The following UPF2 variants were observed in gnomAD, a reference collection of about 807,000 sequenced individuals.
The protein encoded by UPF2 is UPF2 regulator of nonsense mediated mRNA decay, also known as regulator of nonsense transcripts 2.
In UPF2, 17 loss-of-function variants were observed where a neutral mutation model predicts 141.4. That is an observed-to-expected ratio of 0.12 (90% CI 0.08 to 0.18). The LOEUF is 0.18. Among genes scored for constraint, UPF2 ranks in the 10% least tolerant of loss-of-function variants. The pLI is 1.00. For missense variants in UPF2, 1,152 were observed against 1,515.9 expected (o/e 0.76, Z 3.99); for synonymous variants, 540 against 498.0 (o/e 1.08, Z -1.12).
At chr10:11,999,512 C>CA (rs1325502291) in intron 7 of UPF2, among the ~76,000 whole-genome samples, 1,563 of 100,250 alleles carry the variant, frequency 0.016, 28 homozygotes, top group African/African-American at 0.031. Context: ...GACTCCATCT[C>CA]AAAAAAAAAA....
Position 12,024,931 on chromosome 10 carries a change from C to CAAAAAAAAA in UPF2, c.1145+3805_1145+3813dup, listed in dbSNP as rs61678431. 5.6e-5 allele frequency among the ~76,000 whole-genome samples: 3 copies of CAAAAAAAAA among 53,484 alleles called. 1 individual carries two copies. Among genetic ancestry groups the CAAAAAAAAA allele is most frequent in the Non-Finnish European group, 9.7e-5 (3 of 31,056 alleles). The allele number at this position is 53,484 out of a possible 152,430, so 35.1% of individuals were successfully genotyped here. ...CCCAGGTAAGAGGGAGACCCTGTTA[C>CAAAAAAAAA]AAAAAAAAAAAAAAAAAAAAAAAAA... is the stretch of plus-strand genomic sequence containing the variant. On this transcript the variant is annotated intron_variant, in intron 3 of 21. Transcript: ENST00000357604.
At chr10:11,975,634 G>C (rs1833494063) in intron 9 of UPF2, among the ~76,000 whole-genome samples, 1 of 151,362 alleles carries the variant, frequency 6.6e-6, no homozygotes, top group African/African-American at 2.4e-5. Flanking sequence ...TCAGCCTCCT[G>C]AGTAGCTGGG....
chr10:11,963,580 C>T (rs1015317356), intron 11 of UPF2, among the ~76,000 whole-genome samples: 4 of 152,152 alleles, frequency 2.6e-5, no homozygotes, highest in South Asian at 2.1e-4. Flanking sequence ...GGAATACAGG[C>T]GTGAGCCACT....
At chr10:12,030,115 C>T (rs1211464249) in intron 2 of UPF2, among the ~76,000 whole-genome samples, 1 of 151,694 alleles carries the variant, frequency 6.6e-6, no homozygotes, top group Non-Finnish European at 1.5e-5. Context: ...ATCATTCTGC[C>T]AACTGGCAAG....
In UPF2 at chr10:12,016,618, C is replaced by T. The variant is rs974943490; in HGVS notation, c.1146-2434G>A. 2.6e-5 allele frequency among the ~76,000 whole-genome samples: 4 copies of T among 151,612 alleles called. No individual in the cohort carries two copies. Among genetic ancestry groups the T allele is most frequent in the East Asian group, 1.9e-4 (1 of 5,158 alleles). On this transcript the variant is annotated intron_variant, in intron 3 of 21. Coordinates refer to ENST00000357604, the MANE Select transcript of UPF2 (RefSeq NM_015542.4). The surrounding 1 kb of genome is among the most constrained non-coding windows in gnomAD (Gnocchi z 4.1). Reference sequence around the variant, plus strand: ...CTAAGCCAGGAGAATCACTTGAACCCGGGAGGCAGAGGTTGCAGTGAGCCA... The same window carrying T: ...CTAAGCCAGGAGAATCACTTGAACCTGGGAGGCAGAGGTTGCAGTGAGCCA...
chr10:11,958,901 A>G (rs1021297017), intron 12 of UPF2, among the ~76,000 whole-genome samples: 1 of 152,238 alleles, frequency 6.6e-6, no homozygotes, highest in African/African-American at 2.4e-5. Context: ...GGAATACCAG[A>G]GAGAAAGTAA....
At chr10:11,962,932 C>T (rs1293866720) in intron 11 of UPF2, among the ~76,000 whole-genome samples, 2 of 152,176 alleles carry the variant, frequency 1.3e-5, no homozygotes, top group East Asian at 1.9e-4. Context: ...TCTACCTACA[C>T]TCAAAATACC....
intron 1 of UPF2, chr10:12,035,957 G>A (rs1197159568): frequency 6.6e-6 from 1 of 152,246 alleles, no homozygotes; most frequent in East Asian, 1.9e-4. Context: ...AAACAGAACA[G>A]CGGACTCACG....
At chr10:11,929,041 G>A (rs1429910316) in intron 21 of UPF2, among the ~76,000 whole-genome samples, 1 of 151,988 alleles carries the variant, frequency 6.6e-6, no homozygotes, top group Non-Finnish European at 1.5e-5. Context: ...CCAGCTACTC[G>A]GGAGGTTGAG....
intron 19 of UPF2, among the ~76,000 whole-genome samples, chr10:11,934,158 A>T (rs1832814812): frequency 6.6e-6 from 1 of 152,234 alleles, no homozygotes; most frequent in African/African-American, 2.4e-5. Context: ...GTGATAACTG[A>T]AATAGTAAAG....
At chr10:12,041,631 T>C (rs1397093907) in intron 1 of UPF2, among the ~76,000 whole-genome samples, 2 of 152,172 alleles carry the variant, frequency 1.3e-5, no homozygotes, top group Non-Finnish European at 2.9e-5. Flanking sequence ...TATGAGAGAA[T>C]GCGGTTTTAC....
At chr10:12,021,532 A>G (rs1407012897) in intron 3 of UPF2, among the ~76,000 whole-genome samples, 1 of 151,958 alleles carries the variant, frequency 6.6e-6, no homozygotes, top group Non-Finnish European at 1.5e-5. Flanking sequence ...AAAAAAAAGG[A>G]TCATATGTGG....
At chr10:12,020,441 G>A (rs1177627094) in intron 3 of UPF2, among the ~76,000 whole-genome samples, 1 of 152,046 alleles carries the variant, frequency 6.6e-6, no homozygotes, top group East Asian at 1.9e-4. Flanking sequence ...AGTAGAGACA[G>A]CGTTTCTCCA....
chr10:11,979,315 A>G lies in UPF2; in HGVS notation c.1845-150T>C, dbSNP rs768088548. On this transcript the variant is annotated intron_variant, in intron 8 of 21. Transcript: ENST00000357604. The surrounding 1 kb of genome is among the most constrained non-coding windows in gnomAD (Gnocchi z 6.2). The stretch of plus-strand genomic sequence containing the variant: ...TGCCTATTTATTGCCATCATAAAGA[A>G]GTGTTTGAAAATTCAATGAGCCTTC... 1.9e-6 allele frequency: 1 copy of G among 533,824 alleles called. No individual in the cohort carries two copies. Among genetic ancestry groups the G allele is most frequent in the African/African-American group, 1.9e-5 (1 of 53,316 alleles). 33.1% of individuals were successfully genotyped at this position (533,824 alleles called of 1,614,324 possible).
intron 21 of UPF2, among the ~76,000 whole-genome samples, chr10:11,922,971 C>T (rs962857031): frequency 6.6e-6 from 1 of 152,148 alleles, no homozygotes; most frequent in Admixed American, 6.5e-5. Context: ...GAGGTCGAGG[C>T]TGCGGTGACC....
chr10:12,014,290 T>G lies in UPF2; in HGVS notation c.1146-106A>C. 9.1e-7 allele frequency: 1 copy of G among 1,095,204 alleles called. No homozygotes were observed. The allele number at this position is 1,095,204 out of a possible 1,614,324, so 67.8% of individuals were successfully genotyped here. The stretch of plus-strand genomic sequence containing the variant: ...ATTTGATTTTCTCATACAAATTTAG[T>G]AAAATCTTCATTTTTATTTAACATT... On this transcript the variant is annotated intron_variant, in intron 3 of 21. Transcript: ENST00000357604. The surrounding 1 kb of genome is among the most constrained non-coding windows in gnomAD (Gnocchi z 5.0).
intron 8 of UPF2, among the ~76,000 whole-genome samples, chr10:11,982,354 A>G (rs1228207128): frequency 6.6e-6 from 1 of 152,292 alleles, no homozygotes; most frequent in East Asian, 1.9e-4. Flanking sequence ...ACTCTACAGC[A>G]GCAAACAGCA....
At position 11,998,082 on chromosome 10, in the gene UPF2, G is replaced by A. The variant is rs1234267036; in HGVS notation, c.1759-325C>T. Among the ~76,000 whole-genome samples, 2 of 152,192 alleles carry A rather than the reference G, an allele frequency of 1.3e-5. No individual in the cohort carries two copies. The highest frequency in any genetic ancestry group is 2.9e-5 in the Non-Finnish European group (2 of 68,032). On this transcript the variant is annotated intron_variant, in intron 7 of 21. Coordinates refer to ENST00000357604, the MANE Select transcript of UPF2 (RefSeq NM_015542.4). The surrounding 1 kb of genome is among the most constrained non-coding windows in gnomAD (Gnocchi z 4.5). ...CCCCCACATTCACTAAAAAAGTTTA[G>A]TGTCGACAGTCAGATTTGGTAATGT...
rs1245220027 is a variant in UPF2 at position 11,999,719 on chromosome 10, T to C, written c.1758+187A>G. ...GGACAGGATGCTACAGCCAATTCTCTACCCAAACAGAGCATCTATGAATTA... is the reference window on the plus strand; with the variant it reads ...GGACAGGATGCTACAGCCAATTCTCCACCCAAACAGAGCATCTATGAATTA... On this transcript the variant is annotated intron_variant, in intron 7 of 21. Coordinates refer to ENST00000357604, the MANE Select transcript of UPF2 (RefSeq NM_015542.4). 3.3e-5 allele frequency among the ~76,000 whole-genome samples: 5 copies of C among 152,296 alleles called. No homozygotes were observed. In the South Asian group the frequency reaches 8.3e-4, roughly 25 times the overall value.
Sources: gnomAD v4.1 joint callset for allele counts (sites outside exome capture counted in the v4.1 genomes callset) on GRCh38, gnomAD v4.1.1 for gene constraint, Gnocchi (gnomAD v3.1) non-coding constraint, MANE v1.5 for transcripts, NCBI Gene and HGNC (gene_info 2026-07-23, HGNC 2026-07-21) for gene names.